WFDC6: variants seen among roughly 807,000 people sequenced by gnomAD.
WFDC6 encodes WAP four-disulfide core domain 6, also known as WAP four-disulfide core domain protein 6.
A neutral mutation model predicts 8.2 loss-of-function variants in WFDC6; 10 were observed. That is an observed-to-expected ratio of 1.22 (90% CI 0.75 to 2.07). The LOEUF (loss-of-function observed/expected upper bound fraction) is 2.07. WFDC6 is among the 30% of genes most tolerant of loss of function. WFDC6 has a pLI of 0.00. For missense variants in WFDC6, 105 were observed against 104.9 expected, an observed-to-expected ratio of 1.00 and a Z score of 0.00; for synonymous variants, 28 against 37.0, an observed-to-expected ratio of 0.76 and a Z score of 0.88.
intron 2 of WFDC6, 91 bp downstream of exon 2, chr20:45,537,873 A>G (rs2145543816): frequency 6.3e-7 from 1 of 1,594,014 alleles, no homozygotes; most frequent in East Asian, 2.2e-5. Flanking sequence ...GTCAGAGACC[A>G]GCCATCAGTG....
chr20:45,534,606 A>C, intron 2 of WFDC6, 101 bp from the exon 3 acceptor site: 7 of 1,398,196 alleles, frequency 5.0e-6, no homozygotes, highest in Non-Finnish European at 6.9e-6. Flanking sequence ...TCATTTTTAC[A>C]TCTTTGGGCA....
At position 45,538,041 on chromosome 20, in the gene WFDC6, T is replaced by G; in HGVS notation, c.145A>C (p.Thr49Pro). The G allele has an allele frequency of 1.9e-6, 3 of 1,614,058 alleles. No homozygotes were observed. The highest frequency in any genetic ancestry group is 2.5e-6 in the Non-Finnish European group (3 of 1,179,932). ...ECEVEEIDQC[T>P]KPRDCPENMK... is the part of the protein sequence containing the mutation. The stretch of plus-strand genomic sequence containing the variant: ...TTTTCTGGGCAATCTCTGGGTTTGG[T>G]ACACTGGTCTATTTCTTCCACTTCG... The change falls in exon 2 of 3, where the codon ACC becomes CCC. Residue 49 changes from threonine to proline, a missense_variant. Thr to Pro is a conservative substitution (Grantham distance 38). Transcript: ENST00000372670.
rs199887245 is a variant in WFDC6 at position 45,539,336 on chromosome 20, G to A, written c.72C>T (p.His24=). Reference sequence around the variant, plus strand: ...ACTTACTGCCAAGGATGCCTTCAGCGTGCCCAGGTTCCTGGATGTCCCCCA... The same window carrying A: ...ACTTACTGCCAAGGATGCCTTCAGCATGCCCAGGTTCCTGGATGTCCCCCA... The part of the protein sequence containing the change: ...ILLGDIQEPG[H]AEGILGKPCP... The change falls in exon 1 of 3, where the codon CAC becomes CAT. Residue 24 remains histidine (H), a synonymous_variant. Transcript: ENST00000372670. The A allele has an allele frequency of 3.7e-5, 60 of 1,613,842 alleles. 1 individual carries two copies. In the Middle Eastern group the frequency reaches 8.3e-4, roughly 22 times the overall value.
chr20:45,539,482 G>T lies in WFDC6; in HGVS notation c.-75C>A. The T allele has an allele frequency of 7.2e-7, 1 of 1,398,326 alleles. No individual in the cohort carries two copies. The highest frequency in any genetic ancestry group is 1.0e-6 in the Non-Finnish European group (1 of 987,564). 86.6% of individuals were successfully genotyped at this position (1,398,326 alleles called of 1,614,324 possible). ...TCAGCAGCTCCTACATCTGCACTTT[G>T]CCTGCCCCGGTGTGGCCCAGCACCT... is the stretch of plus-strand genomic sequence containing the variant. On this transcript the variant is annotated 5_prime_UTR_variant, in exon 1 of 3. Coordinates refer to ENST00000372670, the MANE Select transcript of WFDC6 (RefSeq NM_080827.2).
At chr20:45,536,376 AAAC>A (rs1367438279) in intron 2 of WFDC6, among the ~76,000 whole-genome samples, 2 of 152,214 alleles carry the variant, frequency 1.3e-5, no homozygotes, top group South Asian at 2.1e-4. Context: ...AAGCACGACA[AAAC>A]AACAATTGTA....
intron 2 of WFDC6, chr20:45,537,495 G>A (rs1979408677): frequency 1.3e-6 from 2 of 1,539,378 alleles, no homozygotes; most frequent in Admixed American, 2.0e-5. Flanking sequence ...AAGAAAGAGT[G>A]TAGGCGGTCT....
chr20:45,534,452 G>A lies in WFDC6; in HGVS notation c.*15C>T. ...ACGTGGAGAGAGGCCTGGATTATGA[G>A]CCAAATCCTGGAGGTTATTCAAGCT... is the stretch of plus-strand genomic sequence containing the variant. On this transcript the variant is annotated 3_prime_UTR_variant, in exon 3 of 3. Transcript: ENST00000372670. The A allele has an allele frequency of 6.2e-7, 1 of 1,614,026 alleles. No homozygotes were observed. Among genetic ancestry groups the A allele is most frequent in the Non-Finnish European group, 8.5e-7 (1 of 1,179,882 alleles).
intron 2 of WFDC6, 143 bp from the exon 3 acceptor site, chr20:45,534,648 T>C: frequency 1.1e-6 from 1 of 942,546 alleles, no homozygotes; most frequent in East Asian, 2.5e-5. Context: ...TGGGGGCTCC[T>C]AGAATGATCA....
At chr20:45,538,186 CTT>C in intron 1 of WFDC6, 92 bp from the exon 2 acceptor site, 1 of 1,590,266 alleles carries the variant, frequency 6.3e-7, no homozygotes, top group Non-Finnish European at 8.6e-7. Context: ...AGTTAGAGAA[CTT>C]TGTTTCCACT....
intron 2 of WFDC6, chr20:45,535,315 G>T: frequency 7.7e-6 from 10 of 1,303,676 alleles, no homozygotes; most frequent in Non-Finnish European, 8.1e-6. Flanking sequence ...GCCTCCTGTG[G>T]CATACTGCAT....
In WFDC6 at chr20:45,539,416, G is replaced by A; in HGVS notation, c.-9C>T. The A allele has an allele frequency of 6.2e-7, 1 of 1,613,130 alleles. No homozygotes were observed. The highest frequency in any genetic ancestry group is 8.5e-7 in the Non-Finnish European group (1 of 1,179,230). On this transcript the variant is annotated 5_prime_UTR_variant, in exon 1 of 3. Coordinates refer to ENST00000372670, the MANE Select transcript of WFDC6 (RefSeq NM_080827.2). ...AGTCCTGAGAGTCCCATTTTAGGAA[G>A]TACTGGCCTGGTTGATGGCACCAAA...
rs781135634 is a variant in WFDC6, at chr20:45,537,474, T to C, written c.222+490A>G. On this transcript the variant is annotated intron_variant, in intron 2 of 2. Coordinates refer to ENST00000372670, the MANE Select transcript of WFDC6 (RefSeq NM_080827.2). ...GATGATCTTCTTTAGAGCTCAATAA[T>C]ATGGGCAGAGAAGAAAGAGTGTAGG... 3.4e-6 allele frequency: 5 copies of C among 1,457,138 alleles called. No homozygotes were observed. In the African/African-American group the frequency reaches 4.2e-5, roughly 12 times the overall value. 90.3% of individuals were successfully genotyped at this position (1,457,138 alleles called of 1,614,324 possible). A position where few individuals can be genotyped will look rare whatever the true frequency, so the allele number is the denominator to read the frequency against.
chr20:45,534,252 G>A lies in WFDC6; in HGVS notation c.*215C>T, dbSNP rs530268708. The A allele has an allele frequency of 8.2e-6, 5 of 608,470 alleles. No individual in the cohort carries two copies. The highest frequency in any genetic ancestry group is 1.5e-5 in the Non-Finnish European group (5 of 340,020). 37.7% of individuals were successfully genotyped at this position (608,470 alleles called of 1,614,324 possible). ...CTGAAGCCTTCATACAAATAAATGGGGGGTCTGAAAGTTGAAGACATAGAG... is the reference window on the plus strand; with the variant it reads ...CTGAAGCCTTCATACAAATAAATGGAGGGTCTGAAAGTTGAAGACATAGAG... On this transcript the variant is annotated 3_prime_UTR_variant, in exon 3 of 3. Coordinates refer to ENST00000372670, the MANE Select transcript of WFDC6 (RefSeq NM_080827.2).
Position 45,535,255 on chromosome 20 carries a change from A to C in WFDC6, c.223-750T>G, listed in dbSNP as rs1455541793. The C allele has an allele frequency of 3.1e-6, 4 of 1,304,184 alleles. No homozygotes were observed. In the South Asian group the frequency reaches 4.9e-5, roughly 16 times the overall value. The allele number at this position is 1,304,184 out of a possible 1,614,324, so 80.8% of individuals were successfully genotyped here. On this transcript the variant is annotated intron_variant, in intron 2 of 2. Transcript: ENST00000372670. ...CATAGATGAATTCGGAGCAGATCTT[A>C]GTTTTTTTTATTGTACCACCAGTGT...
Position 45,534,465 on chromosome 20 carries a change from G to A in WFDC6, c.*2C>T. The A allele has an allele frequency of 5.0e-6, 8 of 1,614,036 alleles. No homozygotes were observed. The South Asian group carries it at 5.5e-5, about 11-fold the overall frequency. On this transcript the variant is annotated 3_prime_UTR_variant, in exon 3 of 3. Transcript: ENST00000372670. ...CCTGGATTATGAGCCAAATCCTGGA[G>A]GTTATTCAAGCTCCTCCTTATGGTA...
chr20:45,536,686 G>A (rs1979379143), intron 2 of WFDC6: 1 of 152,104 alleles, frequency 6.6e-6, no homozygotes, highest in Non-Finnish European at 1.5e-5. Context: ...TTTGTTACTT[G>A]TTTATTTATC....
rs1324721146 is a variant in WFDC6, at chr20:45,539,450, C to A, written c.-43G>T. On this transcript the variant is annotated 5_prime_UTR_variant, in exon 1 of 3. Coordinates refer to ENST00000372670, the MANE Select transcript of WFDC6 (RefSeq NM_080827.2). ...TGGTTGATGGCACCAAAACTAAGAACTGCTCCTCAGCAGCTCCTACATCTG... is the reference window on the plus strand; with the variant it reads ...TGGTTGATGGCACCAAAACTAAGAAATGCTCCTCAGCAGCTCCTACATCTG... 3 of 1,580,390 alleles carry A rather than the reference C, an allele frequency of 1.9e-6. No individual in the cohort carries two copies. The highest frequency in any genetic ancestry group is 1.1e-5 in the South Asian group (1 of 90,358).
Position 45,539,425 on chromosome 20 carries a change from T to C in WFDC6, c.-18A>G. 1 of 1,611,344 alleles carries C rather than the reference T, an allele frequency of 6.2e-7. No individual in the cohort carries two copies. The highest frequency in any genetic ancestry group is 1.1e-5 in the South Asian group (1 of 91,038). ...AGTCCCATTTTAGGAAGTACTGGCC[T>C]GGTTGATGGCACCAAAACTAAGAAC... On this transcript the variant is annotated 5_prime_UTR_variant, in exon 1 of 3. Coordinates refer to ENST00000372670, the MANE Select transcript of WFDC6 (RefSeq NM_080827.2).
chr20:45,534,541 A>C (rs890622916), intron 2 of WFDC6, 36 bp from the exon 3 acceptor site: 2 of 1,611,304 alleles, frequency 1.2e-6, no homozygotes, highest in Non-Finnish European at 1.7e-6. Flanking sequence ...AGATGCTTGG[A>C]CCCTGACCAC....
Sources: allele counts gnomAD v4.1 joint callset (sites outside exome capture counted in the v4.1 genomes callset), GRCh38; gene constraint gnomAD v4.1.1; transcripts MANE v1.5; gene names NCBI Gene and HGNC (gene_info 2026-07-23, HGNC 2026-07-21).